Variants in DTHD1 observed in about 807,000 individuals in gnomAD.
DTHD1 encodes death domain containing 1.
In DTHD1, 59 loss-of-function variants were observed where a neutral mutation model predicts 74.8. The observed-to-expected ratio is 0.79, with a 90% CI of 0.64 to 0.98. DTHD1 has a LOEUF of 0.98. Ranked by LOEUF, DTHD1 falls within the 50% of genes least tolerant of loss-of-function variation. DTHD1 has a pLI of 0.00. For synonymous variants in DTHD1, 365 were observed against 371.1 expected, an observed-to-expected ratio of 0.98 and a Z score of 0.19; for missense variants, 1,051 against 1,065.4, an observed-to-expected ratio of 0.99 and a Z score of 0.19.
Position 36,284,600 on chromosome 4 carries a change from A to G in DTHD1, c.887+9A>G, listed in dbSNP as rs1259456693. Reference sequence around the variant, plus strand: ...AACATAATGGAAAAGGAGTAAGTAAATGCAATGTGGGAAGTGCTTAAGTAT... The same window carrying G: ...AACATAATGGAAAAGGAGTAAGTAAGTGCAATGTGGGAAGTGCTTAAGTAT... On this transcript the variant is annotated intron_variant, in intron 2 of 9. Coordinates refer to ENST00000639862, the MANE Select transcript of DTHD1 (RefSeq NM_001170700.3). 1.3e-5 allele frequency: 19 copies of G among 1,494,684 alleles called. No homozygotes were observed. Among genetic ancestry groups the G allele is most frequent in the Non-Finnish European group, 1.5e-5 (17 of 1,126,672 alleles). The allele number at this position is 1,494,684 out of a possible 1,614,324, so 92.6% of individuals were successfully genotyped here.
At chr4:36,318,677 C>A (rs1180578206) in intron 8 of DTHD1, among the ~76,000 whole-genome samples, 1 of 142,520 alleles carries the variant, frequency 7.0e-6, no homozygotes, top group Non-Finnish European at 1.5e-5. Flanking sequence ...TGCAGTGGCG[C>A]GATCTCGGCT....
chr4:36,292,504 A>G lies in DTHD1; in HGVS notation c.1219-1022A>G, dbSNP rs144010854. ...TTAAAAACCCTTTTGGCCTTTCAGT[A>G]TCTATCAAATATGATTGAAGTGCAC... On this transcript the variant is annotated intron_variant, in intron 3 of 9. Coordinates refer to ENST00000639862, the MANE Select transcript of DTHD1 (RefSeq NM_001170700.3). 1.8e-4 allele frequency among the ~76,000 whole-genome samples: 27 copies of G among 152,340 alleles called. 1 individual carries two copies. The highest frequency in any genetic ancestry group is 1.6e-3 in the Admixed American group (24 of 15,302).
At chr4:36,336,826 A>G (rs1381535920) in intron 8 of DTHD1, among the ~76,000 whole-genome samples, 1 of 152,264 alleles carries the variant, frequency 6.6e-6, no homozygotes, top group Non-Finnish European at 1.5e-5. Flanking sequence ...AAAGTTTTAC[A>G]ATGCATTTTG....
rs1757167801 is a variant in DTHD1, at chr4:36,308,204, G to A, written c.1806G>A (p.Arg602=). The A allele has an allele frequency of 1.3e-6, 2 of 1,551,700 alleles. No homozygotes were observed. The highest frequency in any genetic ancestry group is 1.7e-6 in the Non-Finnish European group (2 of 1,146,748). The stretch of plus-strand genomic sequence containing the variant: ...GGTCTCACCTCTTTCTTCCATGCAG[G>A]TTTATTGTACTTCACCTCTCTTCCA... The part of the protein sequence containing the change: ...VSVELYEHLE[R]FIVLHLSSTM... Residue 602 remains arginine (R), a splice_region_variant and synonymous_variant, in exon 7 of 10, where the codon AGG becomes AGA. Transcript: ENST00000639862.
chr4:36,334,689 A>T (rs567263604), intron 8 of DTHD1, among the ~76,000 whole-genome samples: 1 of 152,330 alleles, frequency 6.6e-6, no homozygotes, highest in East Asian at 1.9e-4. Flanking sequence ...AAAATAGAAA[A>T]CTAAACGCCT....
At chr4:36,296,017 C>T (rs1276498587) in intron 5 of DTHD1, among the ~76,000 whole-genome samples, 2 of 151,978 alleles carry the variant, frequency 1.3e-5, no homozygotes, top group Non-Finnish European at 2.9e-5. Flanking sequence ...TGAAAAAAGA[C>T]CCATACTTAG....
rs1447587131 is a variant in DTHD1 at position 36,345,445 on chromosome 4, C to A, written c.*1621C>A. The A allele has an allele frequency of 1.3e-5, 2 of 152,086 alleles. No individual in the cohort carries two copies. Among genetic ancestry groups the A allele is most frequent in the East Asian group, 1.9e-4 (1 of 5,198 alleles). The allele number at this position is 152,086 out of a possible 1,614,324, so 9.4% of individuals were successfully genotyped here. On this transcript the variant is annotated 3_prime_UTR_variant, in exon 10 of 10. Transcript: ENST00000639862. Reference sequence around the variant, plus strand: ...AGCAATTAGTTTCAGTTATTGAATACCTAGGAATTAATTGAGTTATATTAC... The same window carrying A: ...AGCAATTAGTTTCAGTTATTGAATAACTAGGAATTAATTGAGTTATATTAC...
intron 5 of DTHD1, among the ~76,000 whole-genome samples, chr4:36,299,834 TTATTTTTTATTTCTTAAAGTTA>T (rs1756653835): frequency 6.6e-6 from 1 of 152,184 alleles, no homozygotes; most frequent in Non-Finnish European, 1.5e-5. Flanking sequence ...TTAGACAATT[TTATTTTTTATTTCTTAAAGTTA>T]TATTTTCCCA....
intron 9 of DTHD1, among the ~76,000 whole-genome samples, chr4:36,341,269 G>C (rs1056527658): frequency 6.6e-6 from 1 of 152,118 alleles, no homozygotes; most frequent in African/African-American, 2.4e-5. Flanking sequence ...TTTATAGGAA[G>C]CAAGGAAGGA....
intron 8 of DTHD1, among the ~76,000 whole-genome samples, chr4:36,322,636 A>G (rs1184323469): frequency 6.6e-6 from 1 of 152,150 alleles, no homozygotes. Context: ...AGGGCCACAG[A>G]AAGATGATGA....
intron 5 of DTHD1, among the ~76,000 whole-genome samples, chr4:36,295,902 G>T (rs1756367257): frequency 6.6e-6 from 1 of 151,956 alleles, no homozygotes; most frequent in African/African-American, 2.4e-5. Flanking sequence ...AAGAGGGCAA[G>T]CAATCATAAA....
intron 5 of DTHD1, among the ~76,000 whole-genome samples, chr4:36,296,542 G>A (rs1319655268): frequency 6.6e-6 from 1 of 152,022 alleles, no homozygotes; most frequent in Non-Finnish European, 1.5e-5. Context: ...AAGAGCGAGT[G>A]TAAGCAAGAT....
rs901794183 is a variant in DTHD1, at chr4:36,297,523, AT to A, written c.1643+2492del. On this transcript the variant is annotated intron_variant, in intron 5 of 9. Coordinates refer to ENST00000639862, the MANE Select transcript of DTHD1 (RefSeq NM_001170700.3). ...CTTTTCCCCCAAGCCGAAGCAATTA[AT>A]TTTTTTTGTGTGTGCTTCTTGACTA... 3.9e-4 allele frequency among the ~76,000 whole-genome samples: 59 copies of A among 151,900 alleles called. 1 individual carries two copies. The highest frequency in any genetic ancestry group is 3.9e-4 in the Admixed American group (6 of 15,224).
At position 36,343,814 on chromosome 4, in the gene DTHD1, C is replaced by T; in HGVS notation, c.2711C>T (p.Ala904Val). 1 of 1,545,664 alleles carries T rather than the reference C, an allele frequency of 6.5e-7. No individual in the cohort carries two copies. Among genetic ancestry groups the T allele is most frequent in the Non-Finnish European group, 8.7e-7 (1 of 1,143,610 alleles). ...GAACCACAGCAGTGTTTTGATGTAG[C>T]CCCTGAGTAAAAGCCTGATCTCTCT... ...FTEPQQCFDV[A>V]PE Residue 904 changes from alanine to valine, a missense_variant, in exon 10 of 10, where the codon GCC becomes GTC. Transcript: ENST00000639862.
intron 8 of DTHD1, among the ~76,000 whole-genome samples, chr4:36,318,282 G>T (rs1309398100): frequency 6.6e-6 from 1 of 152,152 alleles, no homozygotes; most frequent in Non-Finnish European, 1.5e-5. Flanking sequence ...ATACAAGATG[G>T]ATTTTAGGGC....
chr4:36,282,098 C>A, intron 1 of DTHD1, 69 bp downstream of exon 1: 1 of 1,316,482 alleles, frequency 7.6e-7, no homozygotes, highest in Middle Eastern at 2.7e-4. Context: ...CTGAGAGGGG[C>A]TATGAGTATA....
intron 5 of DTHD1, among the ~76,000 whole-genome samples, chr4:36,300,457 C>A (rs544812233): frequency 6.6e-6 from 1 of 152,262 alleles, no homozygotes; most frequent in East Asian, 1.9e-4. Flanking sequence ...CTTAGTAATC[C>A]CCTCATTCCT....
intron 8 of DTHD1, among the ~76,000 whole-genome samples, chr4:36,325,125 C>G (rs1250386394): frequency 6.6e-6 from 1 of 152,158 alleles, no homozygotes; most frequent in Non-Finnish European, 1.5e-5. Context: ...TATGGAGGGC[C>G]TTTAATTCCT....
chr4:36,326,895 C>A (rs924451630), intron 8 of DTHD1, among the ~76,000 whole-genome samples: 1 of 152,074 alleles, frequency 6.6e-6, no homozygotes, highest in Non-Finnish European at 1.5e-5. Context: ...TCAGATTACT[C>A]TTTCTATTGG....
Sources: gnomAD v4.1 joint callset for allele counts (sites outside exome capture counted in the v4.1 genomes callset) on GRCh38, gnomAD v4.1.1 for gene constraint, MANE v1.5 for transcripts, NCBI Gene and HGNC (gene_info 2026-07-23, HGNC 2026-07-21) for gene names.